The following ZNF385D variants were observed in gnomAD, a reference collection of about 807,000 sequenced individuals.
ZNF385D encodes the protein zinc finger protein 659.
In ZNF385D, 15 loss-of-function variants were observed where a neutral mutation model predicts 35.8. The ratio of observed to expected loss-of-function variants is 0.42; its 90% CI spans 0.28 to 0.64. The LOEUF (loss-of-function observed/expected upper bound fraction) is 0.64, where lower values mean the gene tolerates loss of function less well. Among genes scored for constraint, ZNF385D ranks in the 30% least tolerant of loss-of-function variants. The probability of loss-of-function intolerance (pLI) is 0.23; values close to 1 mark genes in which losing one functional copy is unlikely to be tolerated. For synonymous variants in ZNF385D, 212 were observed against 186.8 expected, an observed-to-expected ratio of 1.13 and a Z score of -1.10; for missense variants, 474 against 494.6, an observed-to-expected ratio of 0.96 and a Z score of 0.39.
At chr3:22,095,135 C>T (rs1576310322) in intron 3 of ZNF385D, among the ~76,000 whole-genome samples, 1 of 141,598 alleles carries the variant, frequency 7.1e-6, no homozygotes, top group African/African-American at 2.7e-5. Context: ...GTATGTTGTC[C>T]ATGCTGGTCT....
At chr3:22,099,700 T>C (rs542475990) in intron 3 of ZNF385D, among the ~76,000 whole-genome samples, 1 of 151,834 alleles carries the variant, frequency 6.6e-6, no homozygotes, top group Non-Finnish European at 1.5e-5. Flanking sequence ...CCCTGAAGCA[T>C]GGCGGGGATA....
In ZNF385D at chr3:21,423,976, G is replaced by T. The variant is rs1378862629; in HGVS notation, c.941C>A (p.Ala314Glu). 1 of 1,608,068 alleles carries T rather than the reference G, an allele frequency of 6.2e-7. No individual in the cohort carries two copies. The change falls in exon 7 of 8, where the codon GCA (alanine) becomes GAA (glutamate). Residue 314 changes from alanine to glutamate, a missense_variant. Physicochemically the swap from Ala to Glu is moderately radical, Grantham distance 107. Coordinates refer to ENST00000281523, the MANE Select transcript of ZNF385D (RefSeq NM_024697.3). ...YSPYNKLQKT[A>E]HPLGVKLVFS... ...AATGACACTCACCCCCAGTGGATGT[G>T]CTGTCTTCTGTAGTTTGTTGTAAGG...
At chr3:21,864,895 A>G (rs2138237) in intron 3 of ZNF385D, among the ~76,000 whole-genome samples, 10,274 of 151,808 alleles carry the variant, frequency 0.068, 458 homozygotes, top group Middle Eastern at 0.17. Flanking sequence ...TGTGAAATGA[A>G]GCCTTGAGAG....
intron 1 of ZNF385D, among the ~76,000 whole-genome samples, chr3:21,673,005 A>C (rs1279748333): frequency 6.6e-6 from 1 of 152,152 alleles, no homozygotes; most frequent in East Asian, 1.9e-4. Flanking sequence ...TAGACAGTGA[A>C]TAATTCAGGA....
intron 4 of ZNF385D, among the ~76,000 whole-genome samples, chr3:21,460,977 C>A (rs1473779121): frequency 6.6e-6 from 1 of 152,098 alleles, no homozygotes; most frequent in Non-Finnish European, 1.5e-5. Flanking sequence ...TCACAAAATT[C>A]TTTACAATCA....
chr3:22,093,694 C>G (rs945340564), intron 3 of ZNF385D, among the ~76,000 whole-genome samples: 6 of 152,058 alleles, frequency 3.9e-5, no homozygotes, highest in Non-Finnish European at 7.4e-5. Context: ...TTCTGCTACT[C>G]ATGTTACTAC....
intron 2 of ZNF385D, among the ~76,000 whole-genome samples, chr3:21,612,839 T>C (rs1324230031): frequency 3.3e-5 from 5 of 152,196 alleles, no homozygotes; most frequent in African/African-American, 1.2e-4. Context: ...AAGCAGTTGC[T>C]GAGATCAAAT....
Position 22,012,113 on chromosome 3 carries a change from C to T in ZNF385D, c.325+156704G>A, listed in dbSNP as rs58254720. 2.4e-3 allele frequency among the ~76,000 whole-genome samples: 369 copies of T among 152,264 alleles called. 1 individual carries two copies. The highest frequency in any genetic ancestry group is 8.4e-3 in the African/African-American group (351 of 41,578). ...TAGGTAGGCTCCAGGGAGCCCACCA[C>T]CTTTCTGGATCAATTAGTAATTAGA... On this transcript the variant is annotated intron_variant, in intron 3 of 5. Coordinates refer to the ZNF385D transcript ENST00000494108.
At position 22,063,206 on chromosome 3, in the gene ZNF385D, T is replaced by G. The variant is rs114610601; in HGVS notation, c.325+105611A>C. 2.5e-3 allele frequency among the ~76,000 whole-genome samples: 378 copies of G among 152,330 alleles called. 3 individuals are homozygous for G. The highest frequency in any genetic ancestry group is 8.6e-3 in the African/African-American group (356 of 41,588). On this transcript the variant is annotated intron_variant, in intron 3 of 5. Transcript: ENST00000494108. ...AACTTCAGTTTCTCTATCTGAATAA[T>G]GGGAATATTATCTATTTCACTGGTT... is the stretch of plus-strand genomic sequence containing the variant.
chr3:21,560,009 CGTCGTTTAT>C (rs1559405305), intron 3 of ZNF385D, among the ~76,000 whole-genome samples: 1 of 152,148 alleles, frequency 6.6e-6, no homozygotes, highest in Non-Finnish European at 1.5e-5. Flanking sequence ...AGCTCCATCA[CGTCGTTTAT>C]GTTCTTCTCT....
intron 4 of ZNF385D, among the ~76,000 whole-genome samples, chr3:21,497,416 A>C (rs1388363527): frequency 1.3e-5 from 2 of 152,226 alleles, no homozygotes; most frequent in African/African-American, 4.8e-5. Flanking sequence ...AAATGAAAAA[A>C]CACTCCATGC....
chr3:21,451,211 C>T (rs191660689), intron 4 of ZNF385D, among the ~76,000 whole-genome samples: 1 of 151,920 alleles, frequency 6.6e-6, no homozygotes, highest in African/African-American at 2.4e-5. Context: ...TTTGAAGGTA[C>T]TATCATCACA....
At chr3:21,621,894 T>TGTGC (rs1491418937) in intron 2 of ZNF385D, among the ~76,000 whole-genome samples, 5 of 148,566 alleles carry the variant, frequency 3.4e-5, no homozygotes, top group East Asian at 4.7e-4. Flanking sequence ...TGTGTGTGTG[T>TGTGC]GCGTGCACGC....
chr3:22,134,043 C>T (rs562635163), intron 3 of ZNF385D: 2 of 151,916 alleles, frequency 1.3e-5, no homozygotes, highest in African/African-American at 4.8e-5. Context: ...GGAGAACAAA[C>T]AGAAAACAAA....
At chr3:21,873,562 T>C (rs558820743) in intron 3 of ZNF385D, among the ~76,000 whole-genome samples, 16 of 152,132 alleles carry the variant, frequency 1.1e-4, no homozygotes, top group Non-Finnish European at 1.5e-4. Flanking sequence ...AAGCACTATG[T>C]TACACAGCTG....
chr3:22,291,460 T>C (rs1368531432), intron 2 of ZNF385D, among the ~76,000 whole-genome samples: 1 of 152,074 alleles, frequency 6.6e-6, no homozygotes, highest in African/African-American at 2.4e-5. Context: ...ATTTTCTGTT[T>C]AATTTTATAT....
chr3:21,747,917 G>A (rs1006961051), intron 1 of ZNF385D, among the ~76,000 whole-genome samples: 2 of 152,132 alleles, frequency 1.3e-5, no homozygotes, highest in East Asian at 3.9e-4. Context: ...GGGGGTGGGA[G>A]GGTAAATTTA....
intron 3 of ZNF385D, among the ~76,000 whole-genome samples, chr3:21,810,566 A>G (rs1006423373): frequency 5.9e-5 from 9 of 151,782 alleles, no homozygotes; most frequent in Non-Finnish European, 1.2e-4. Context: ...GTATATGTTT[A>G]TTTATTTTTA....
rs1398807929 is a variant in ZNF385D, at chr3:22,113,135, A to G, written c.325+55682T>C. Among the ~76,000 whole-genome samples the G allele has an allele frequency of 3.3e-5, 5 of 152,104 alleles. No homozygotes were observed. In the East Asian group the frequency reaches 9.6e-4, roughly 29 times the overall value. On this transcript the variant is annotated intron_variant, in intron 3 of 5. Transcript: ENST00000494108. ...GCTGCTTGGTGCTATGTGTTGAAAT[A>G]GAATGTGTACTTGTGTCACGGCTCA...
Sources: allele counts gnomAD v4.1 joint callset (sites outside exome capture counted in the v4.1 genomes callset), GRCh38; gene constraint gnomAD v4.1.1; transcripts MANE v1.5; gene names NCBI Gene and HGNC (gene_info 2026-07-23, HGNC 2026-07-21).